LRRC9: variants seen among roughly 807,000 people sequenced by gnomAD.
The protein encoded by LRRC9 is leucine rich repeat containing 9.
LRRC9 carries 122 observed loss-of-function variants against 63.2 expected under a neutral mutation model. That is an observed-to-expected ratio of 1.93 (90% CI 1.67 to 2.24). The LOEUF (loss-of-function observed/expected upper bound fraction) is 2.24. LRRC9 is among the 30% of genes most tolerant of loss of function. LRRC9 has a pLI of 0.00. For synonymous variants in LRRC9, 366 were observed against 213.1 expected (o/e 1.72, Z -6.25); for missense variants, 1,071 against 627.7 (o/e 1.71, Z -7.55).
At chr14:60,061,114 GACA>G (rs1286285632) in intron 31 of LRRC9, among the ~76,000 whole-genome samples, 1 of 152,212 alleles carries the variant, frequency 6.6e-6, no homozygotes, top group Non-Finnish European at 1.5e-5. Flanking sequence ...CTGTTGAAAT[GACA>G]ACAAAGGATT....
exon 25 of LRRC9, chr14:60,018,393 G>A (rs1318030181): frequency 2.9e-6 from 2 of 699,944 alleles, no homozygotes; most frequent in East Asian, 2.7e-5. Context: ...GATTCCAGTC[G>A]ACCAATTTAG....
chr14:59,988,346 A>T (rs1887697196), intron 17 of LRRC9, among the ~76,000 whole-genome samples: 1 of 152,146 alleles, frequency 6.6e-6, no homozygotes, highest in Non-Finnish European at 1.5e-5. Context: ...ATATGTGTGC[A>T]TGTGTGTTGC....
chr14:59,943,021 T>C (rs1460821614), intron 7 of LRRC9, among the ~76,000 whole-genome samples: 1 of 53,714 alleles, frequency 1.9e-5, no homozygotes, highest in Non-Finnish European at 3.6e-5. Context: ...TGTATTTTGT[T>C]TTTTTGCTGT....
intron 31 of LRRC9, among the ~76,000 whole-genome samples, chr14:60,059,384 GA>G (rs1277677726): frequency 1.3e-5 from 2 of 152,164 alleles, no homozygotes; most frequent in Non-Finnish European, 2.9e-5. Context: ...TCTAAGGAAG[GA>G]AGAATCTCAG....
chr14:59,953,629 T>C (rs2139924508), intron 8 of LRRC9, among the ~76,000 whole-genome samples: 1 of 152,328 alleles, frequency 6.6e-6, no homozygotes, highest in Non-Finnish European at 1.5e-5. Flanking sequence ...AATCTGATGA[T>C]AGTTCCTTTT....
In LRRC9 at chr14:59,923,965, C is replaced by CA. The variant is rs1170661191; in HGVS notation, c.-33-3940dup. 6.6e-6 allele frequency among the ~76,000 whole-genome samples: 1 copy of CA among 152,110 alleles called. No individual in the cohort carries two copies. The highest frequency in any genetic ancestry group is 1.5e-5 in the Non-Finnish European group (1 of 68,012). On this transcript the variant is annotated intron_variant, in intron 1 of 31. Coordinates refer to ENST00000445360, the Ensembl canonical transcript of LRRC9. The surrounding 1 kb of genome is among the most constrained non-coding windows in gnomAD (Gnocchi z 4.2). ...CGTCTTAAAACAACAATAACAACAA[C>CA]AAAAAACAGATACTCGTGCAGGAAT... is the stretch of plus-strand genomic sequence containing the variant.
chr14:59,935,966 G>A (rs1890104568), intron 6 of LRRC9, among the ~76,000 whole-genome samples: 1 of 152,202 alleles, frequency 6.6e-6, no homozygotes, highest in Non-Finnish European at 1.5e-5. Flanking sequence ...GCTAGCCATG[G>A]CACCCTTATG....
At chr14:60,014,947 G>A (rs889900018) in intron 23 of LRRC9, among the ~76,000 whole-genome samples, 1 of 151,912 alleles carries the variant, frequency 6.6e-6, no homozygotes, top group Non-Finnish European at 1.5e-5. Flanking sequence ...TGCCCATCTT[G>A]GTAAAGTGAG....
intron 23 of LRRC9, among the ~76,000 whole-genome samples, chr14:60,016,032 T>C (rs1170935236): frequency 2.6e-5 from 4 of 152,162 alleles, no homozygotes; most frequent in Non-Finnish European, 5.9e-5. Flanking sequence ...TTGTGGACTT[T>C]GTCTTGTTAT....
chr14:59,921,017 A>T (rs776174605), intron 1 of LRRC9, among the ~76,000 whole-genome samples: 3 of 152,214 alleles, frequency 2.0e-5, no homozygotes, highest in Non-Finnish European at 4.4e-5. Context: ...TGCAAGCCCT[A>T]ACCAGAATCA....
At chr14:59,926,194 C>T (rs2139753753) in intron 1 of LRRC9, among the ~76,000 whole-genome samples, 1 of 152,236 alleles carries the variant, frequency 6.6e-6, no homozygotes, top group South Asian at 2.1e-4. Context: ...GGGCTTTTTT[C>T]TCAATCTGAT....
intron 7 of LRRC9, among the ~76,000 whole-genome samples, 192 bp from the exon 8 acceptor site, chr14:59,944,397 T>C (rs1882116619): frequency 1.3e-5 from 2 of 151,934 alleles, no homozygotes; most frequent in South Asian, 4.1e-4. Flanking sequence ...CTTTGGAATT[T>C]TATATTTTGT....
intron 17 of LRRC9, among the ~76,000 whole-genome samples, chr14:59,988,682 C>A (rs1490899406): frequency 6.6e-6 from 1 of 152,002 alleles, no homozygotes; most frequent in African/African-American, 2.4e-5. Context: ...AATAATTATA[C>A]TATAACTATA....
At position 60,003,608 on chromosome 14, in the gene LRRC9, A is replaced by C; in HGVS notation, c.2665-13A>C. 1 of 636,624 alleles carries C rather than the reference A, an allele frequency of 1.6e-6. No homozygotes were observed. The highest frequency in any genetic ancestry group is 2.8e-6 in the Non-Finnish European group (1 of 360,124). 39.4% of individuals were successfully genotyped at this position (636,624 alleles called of 1,614,324 possible). On this transcript the variant is annotated splice_polypyrimidine_tract_variant and intron_variant, in intron 20 of 31. Transcript: ENST00000445360. The surrounding 1 kb of genome is among the most constrained non-coding windows in gnomAD (Gnocchi z 4.2). ...AGATTTAGAAATAACATACAATGTAAATTATTCTACAGATAACTGCCTTAA... is the reference window on the plus strand; with the variant it reads ...AGATTTAGAAATAACATACAATGTACATTATTCTACAGATAACTGCCTTAA...
intron 7 of LRRC9, among the ~76,000 whole-genome samples, chr14:59,944,133 G>GA (rs906436619): frequency 8.6e-5 from 13 of 151,320 alleles, no homozygotes; most frequent in South Asian, 2.1e-4. Flanking sequence ...TTATACATTT[G>GA]AAAAAAAATT....
In LRRC9 at chr14:59,932,424, A is replaced by G. The variant is rs1889778627; in HGVS notation, c.543+385A>G. 6.6e-6 allele frequency among the ~76,000 whole-genome samples: 1 copy of G among 152,116 alleles called. No homozygotes were observed. The highest frequency in any genetic ancestry group is 1.5e-5 in the Non-Finnish European group (1 of 67,984). On this transcript the variant is annotated intron_variant, in intron 6 of 31. Transcript: ENST00000445360. The surrounding 1 kb of genome is among the most constrained non-coding windows in gnomAD (Gnocchi z 4.7). ...TAATCTCATCATGCCTTAAGACTTT[A>G]AATACCGTTTATCTACCCTTTAAAC...
chr14:60,003,544 TA>T lies in LRRC9; in HGVS notation c.2665-76del, dbSNP rs1889564073. On this transcript the variant is annotated intron_variant, in intron 20 of 31. Transcript: ENST00000445360. The surrounding 1 kb of genome is among the most constrained non-coding windows in gnomAD (Gnocchi z 4.2). The stretch of plus-strand genomic sequence containing the variant: ...ATTTATCACATTTGAATTATTTCAT[TA>T]GCTTTTTAAAATGTTATTAACATTG... The T allele has an allele frequency of 2.7e-5, 15 of 557,336 alleles. No homozygotes were observed. The highest frequency in any genetic ancestry group is 1.0e-4 in the Admixed American group (3 of 29,382). 34.5% of individuals were successfully genotyped at this position (557,336 alleles called of 1,614,324 possible).
chr14:59,931,953 C>T lies in LRRC9; in HGVS notation c.473-16C>T, dbSNP rs1354263858. On this transcript the variant is annotated splice_polypyrimidine_tract_variant and intron_variant, in intron 5 of 31. Coordinates refer to ENST00000445360, the Ensembl canonical transcript of LRRC9. ...GAAGGTAAAATAATTGAATTCTTTTCGTCTATTTTTTAAAGGTCGATGTCT... is the reference window on the plus strand; with the variant it reads ...GAAGGTAAAATAATTGAATTCTTTTTGTCTATTTTTTAAAGGTCGATGTCT... The T allele has an allele frequency of 7.2e-6, 5 of 696,444 alleles. No individual in the cohort carries two copies. The highest frequency in any genetic ancestry group is 5.4e-5 in the East Asian group (2 of 37,058). 43.1% of individuals were successfully genotyped at this position (696,444 alleles called of 1,614,324 possible).
intron 8 of LRRC9, among the ~76,000 whole-genome samples, chr14:59,956,146 A>G (rs994960475): frequency 2.6e-5 from 4 of 152,068 alleles, no homozygotes; most frequent in African/African-American, 9.7e-5. Flanking sequence ...GTAAATGCCT[A>G]TTATGTCTGC....
Sources: allele counts gnomAD v4.1 joint callset (sites outside exome capture counted in the v4.1 genomes callset), GRCh38; gene constraint gnomAD v4.1.1; non-coding constraint Gnocchi (gnomAD v3.1); transcripts MANE v1.5; gene names NCBI Gene and HGNC (gene_info 2026-07-23, HGNC 2026-07-21).